Variants in ELAVL2 observed in about 807,000 individuals in gnomAD.
The protein encoded by ELAVL2 is ELAV like RNA binding protein 2.
Under a neutral mutation model 34.6 loss-of-function variants are expected in ELAVL2, and 4 were observed. The ratio of observed to expected loss-of-function variants is 0.12; its 90% CI spans 0.06 to 0.26. The LOEUF (loss-of-function observed/expected upper bound fraction) is 0.26. ELAVL2 is among the 10% of genes least tolerant of loss of function. ELAVL2 has a pLI of 1.00. For synonymous variants in ELAVL2, 193 were observed against 154.8 expected (o/e 1.25, Z -1.83); for missense variants, 432 against 442.8 (o/e 0.98, Z 0.22).
upstream of ELAVL2, among the ~76,000 whole-genome samples, chr9:23,827,628 C>T (rs965149812): frequency 6.6e-6 from 1 of 152,050 alleles, no homozygotes; most frequent in Non-Finnish European, 1.5e-5. Context: ...TACATATTTA[C>T]AACTAGTCGC....
chr9:23,798,242 C>T (rs931135837), intron 1 of ELAVL2, among the ~76,000 whole-genome samples: 2 of 152,118 alleles, frequency 1.3e-5, no homozygotes, highest in African/African-American at 4.8e-5. Flanking sequence ...GCAAAAAGGT[C>T]GCAACAGCAA....
At chr9:23,710,731 A>AT (rs989582143) in intron 3 of ELAVL2, among the ~76,000 whole-genome samples, 47 of 152,174 alleles carry the variant, frequency 3.1e-4, no homozygotes, top group African/African-American at 1.1e-3. Flanking sequence ...TGCTGTTCAT[A>AT]TTTTTTAAAG....
At chr9:23,728,413 G>GT (rs2045773686) in intron 3 of ELAVL2, among the ~76,000 whole-genome samples, 1 of 152,132 alleles carries the variant, frequency 6.6e-6, no homozygotes, top group African/African-American at 2.4e-5. Flanking sequence ...GACGCTGGGA[G>GT]TAAGATCAGC....
At position 23,775,053 on chromosome 9, in the gene ELAVL2, C is replaced by T. The variant is rs139068099; in HGVS notation, c.-15-12804G>A. Reference sequence around the variant, plus strand: ...GTGGCTTTAAAATCACATTTAATTACAAGAAAAATAGAAAAGGAACTTTCC... The same window carrying T: ...GTGGCTTTAAAATCACATTTAATTATAAGAAAAATAGAAAAGGAACTTTCC... On this transcript the variant is annotated intron_variant, in intron 1 of 6. Coordinates refer to ENST00000397312, the MANE Select transcript of ELAVL2 (RefSeq NM_004432.5). 8.9e-3 allele frequency among the ~76,000 whole-genome samples: 1,348 copies of T among 152,178 alleles called. 19 individuals carry two copies. The highest frequency in any genetic ancestry group is 0.031 in the African/African-American group (1,286 of 41,516).
At position 23,793,980 on chromosome 9, in the gene ELAVL2, G is replaced by A. The variant is rs148052318; in HGVS notation, c.-15-31731C>T. On this transcript the variant is annotated intron_variant, in intron 1 of 6. Transcript: ENST00000397312. ...CACTATATCATACAGCCATTTGTAA[G>A]GCCCCATCAATGACTCCACCTGTAT... Among the ~76,000 whole-genome samples, 39 of 152,262 alleles carry A rather than the reference G, an allele frequency of 2.6e-4. No individual in the cohort carries two copies. The East Asian group carries it at 7.4e-3, about 29-fold the overall frequency.
chr9:23,765,044 T>C, intron 1 of ELAVL2: 1 of 1,609,748 alleles, frequency 6.2e-7, no homozygotes, highest in Non-Finnish European at 8.5e-7. Flanking sequence ...GAACCACTTC[T>C]AAGCAGAGAA....
chr9:23,797,526 G>T (rs1159460293), intron 1 of ELAVL2, among the ~76,000 whole-genome samples: 3 of 152,228 alleles, frequency 2.0e-5, no homozygotes, highest in Non-Finnish European at 4.4e-5. Context: ...GAGGGGCATG[G>T]GTGGTAGATA....
At chr9:23,807,031 C>A (rs1019539757) in intron 1 of ELAVL2, among the ~76,000 whole-genome samples, 1 of 151,850 alleles carries the variant, frequency 6.6e-6, no homozygotes, top group African/African-American at 2.4e-5. Flanking sequence ...TATCCACCTA[C>A]AAAAAAATGC....
intron 1 of ELAVL2, among the ~76,000 whole-genome samples, chr9:23,796,816 T>C (rs1279034851): frequency 6.6e-6 from 1 of 152,222 alleles, no homozygotes; most frequent in Non-Finnish European, 1.5e-5. Flanking sequence ...CTTCGTCCTT[T>C]GTATAGGTTA....
intron 1 of ELAVL2, among the ~76,000 whole-genome samples, chr9:23,776,908 G>A (rs749085245): frequency 6.6e-6 from 1 of 152,104 alleles, no homozygotes. Context: ...CATTGATACT[G>A]AACATTAAAG....
chr9:23,770,150 C>T (rs2057044072), intron 1 of ELAVL2, among the ~76,000 whole-genome samples: 2 of 152,074 alleles, frequency 1.3e-5, no homozygotes, highest in African/African-American at 4.8e-5. Context: ...ATGGTGTGTG[C>T]AGAACATATA....
chr9:23,843,575 T>G, the ELAVL2 span, among the ~76,000 whole-genome samples: 1 of 152,220 alleles, frequency 6.6e-6, no homozygotes, highest in Admixed American at 6.5e-5. Context: ...GTGAAATTGC[T>G]TAAATTGATA....
At chr9:23,718,728 T>C (rs935216001) in intron 3 of ELAVL2, among the ~76,000 whole-genome samples, 1 of 152,238 alleles carries the variant, frequency 6.6e-6, no homozygotes, top group Non-Finnish European at 1.5e-5. Flanking sequence ...GGATAACCCC[T>C]GAAACATTAG....
rs2033253788 is a variant in ELAVL2, at chr9:23,691,739, C to T, written c.*818G>A. 2 of 152,550 alleles carry T rather than the reference C, an allele frequency of 1.3e-5. No individual in the cohort carries two copies. The highest frequency in any genetic ancestry group is 1.9e-4 in the East Asian group (1 of 5,182). 9.4% of individuals were successfully genotyped at this position (152,550 alleles called of 1,614,324 possible). A position where few individuals can be genotyped will look rare whatever the true frequency, so the allele number is the denominator to read the frequency against. ...ACAAAGATCTCAAAAGTATTTTCTA[C>T]ACCATAAATCTTTCTAAATTTTCCA... On this transcript the variant is annotated 3_prime_UTR_variant, in exon 7 of 7. Coordinates refer to ENST00000397312, the MANE Select transcript of ELAVL2 (RefSeq NM_004432.5).
At chr9:23,709,721 A>AT (rs1409990908) in intron 3 of ELAVL2, among the ~76,000 whole-genome samples, 1 of 152,218 alleles carries the variant, frequency 6.6e-6, no homozygotes, top group Non-Finnish European at 1.5e-5. Flanking sequence ...CTGGATTAAT[A>AT]TATGAGTTTG....
At chr9:23,783,415 G>C (rs2059316085) in intron 1 of ELAVL2, 1 of 982,902 alleles carries the variant, frequency 1.0e-6, no homozygotes, top group Admixed American at 6.2e-5. Flanking sequence ...TGTAACTTCA[G>C]AGAGCATGAA....
At chr9:23,799,486 G>A (rs1054208730) in intron 1 of ELAVL2, among the ~76,000 whole-genome samples, 1 of 152,238 alleles carries the variant, frequency 6.6e-6, no homozygotes, top group Non-Finnish European at 1.5e-5. Flanking sequence ...CCCACCACGT[G>A]AGTGGGGAAA....
intron 2 of ELAVL2, among the ~76,000 whole-genome samples, chr9:23,755,242 T>C (rs1273277286): frequency 2.0e-5 from 3 of 152,172 alleles, no homozygotes; most frequent in Non-Finnish European, 4.4e-5. Context: ...CTAACAATGA[T>C]AAAGAACTGT....
At chr9:23,778,794 CA>C (rs2058626014) in intron 1 of ELAVL2, among the ~76,000 whole-genome samples, 1 of 151,798 alleles carries the variant, frequency 6.6e-6, no homozygotes, top group African/African-American at 2.4e-5. Context: ...AAAAATGAGG[CA>C]AAAAAGCATC....
Sources: allele counts gnomAD v4.1 joint callset (sites outside exome capture counted in the v4.1 genomes callset), GRCh38; gene constraint gnomAD v4.1.1; transcripts MANE v1.5; gene names NCBI Gene and HGNC (gene_info 2026-07-23, HGNC 2026-07-21).